Variants in HHIPL1 observed in about 807,000 individuals in gnomAD.
The protein encoded by HHIPL1 is HHIP-like protein 1.
Under a neutral mutation model 61.8 loss-of-function variants are expected in HHIPL1, and 43 were observed. That is an observed-to-expected ratio of 0.70 (90% confidence interval 0.55 to 0.90). The LOEUF is 0.90. HHIPL1 is among the 40% of genes least tolerant of loss of function. The pLI is 0.00. For synonymous variants in HHIPL1, 482 were observed against 515.8 expected, an observed-to-expected ratio of 0.93 and a Z score of 0.89; for missense variants, 1,056 against 1,157.7, an observed-to-expected ratio of 0.91 and a Z score of 1.28.
In HHIPL1 at chr14:99,657,058, G is replaced by A. The variant is rs375024067; in HGVS notation, c.961G>A (p.Gly321Arg). ...CCACAACGGGGGCCAGCTGCTTTTC[G>A]GGGATGACGGGTACCTCTACATCTT... is the stretch of plus-strand genomic sequence containing the variant. The part of the protein sequence containing the change: ...SNHNGGQLLF[G>R]DDGYLYIFTG... The change falls in exon 3 of 9, where the codon GGG (glycine) becomes AGG (arginine). Residue 321 changes from glycine to arginine, a missense_variant. By Grantham distance (125) the Gly-to-Arg change is moderately radical. Coordinates refer to ENST00000330710, the MANE Select transcript of HHIPL1 (RefSeq NM_001127258.3). The A allele has an allele frequency of 1.1e-5, 18 of 1,613,604 alleles. No homozygotes were observed. Among genetic ancestry groups the A allele is most frequent in the Admixed American group, 1.0e-4 (6 of 59,960 alleles).
chr14:99,609,466 C>A, the HHIPL1 span, among the ~76,000 whole-genome samples: 3 of 152,218 alleles, frequency 2.0e-5, no homozygotes, highest in Non-Finnish European at 4.4e-5. Flanking sequence ...CCATGCTTGC[C>A]CCTGGCAGAC....
chr14:99,637,501 G>A, the HHIPL1 span, among the ~76,000 whole-genome samples: 1 of 152,128 alleles, frequency 6.6e-6, no homozygotes. Context: ...GAACCCAGGA[G>A]GCGGAGGTTG....
rs116629554 is a variant in HHIPL1, at chr14:99,668,787, T to G, written c.1730+484T>G. The G allele has an allele frequency of 2.6e-4, 420 of 1,605,890 alleles. No individual in the cohort carries two copies. The highest frequency in any genetic ancestry group is 3.5e-4 in the Non-Finnish European group (408 of 1,177,756). ...TCCATCTTCCACTGGGGAAAACACA[T>G]TGGGGCTCCCTTCGCCGGCTCCATC... On this transcript the variant is annotated intron_variant, in intron 7 of 8. Coordinates refer to ENST00000330710, the MANE Select transcript of HHIPL1 (RefSeq NM_001127258.3). The surrounding 1 kb of genome is among the most constrained non-coding windows in gnomAD (Gnocchi z 4.7).
chr14:99,647,608 G>A (rs1410313863), intron 1 of HHIPL1, among the ~76,000 whole-genome samples: 1 of 152,220 alleles, frequency 6.6e-6, no homozygotes, highest in Non-Finnish European at 1.5e-5. Flanking sequence ...CATGTCTGGA[G>A]TGAGCTTAGA....
rs1269641163 is a variant in HHIPL1 at position 99,674,930 on chromosome 14, C to A, written c.1814-161C>A. Among the ~76,000 whole-genome samples the A allele has an allele frequency of 2.0e-5, 3 of 152,174 alleles. No homozygotes were observed. The East Asian group carries it at 5.8e-4, about 29-fold the overall frequency. On this transcript the variant is annotated intron_variant, in intron 8 of 8. Coordinates refer to ENST00000330710, the MANE Select transcript of HHIPL1 (RefSeq NM_001127258.3). ...GACCTGGGAAGCACGACTGGGAGCG[C>A]AGGCGGCATCCCGTCTTCTGGGTGT...
intron 4 of HHIPL1, among the ~76,000 whole-genome samples, 175 bp downstream of exon 4, chr14:99,659,931 C>T (rs1279121741): frequency 6.7e-6 from 1 of 149,600 alleles, no homozygotes; most frequent in Non-Finnish European, 1.5e-5. Context: ...ACTCGGGGAC[C>T]ACCCGCACCC....
intron 1 of HHIPL1, among the ~76,000 whole-genome samples, chr14:99,648,970 G>A (rs763976676): frequency 3.3e-5 from 5 of 152,188 alleles, no homozygotes; most frequent in Admixed American, 6.5e-5. Flanking sequence ...TGGCCCGGGC[G>A]GCTGAAGCCT....
chr14:99,675,966 A>G lies in HHIPL1; in HGVS notation c.*340A>G, dbSNP rs1024524618. ...GGGCAGCCAGGCTTCGAGGACGGAC[A>G]TGGCCCCTGGCTGTGCTAACAGAGG... On this transcript the variant is annotated 3_prime_UTR_variant, in exon 9 of 9. Transcript: ENST00000330710. The surrounding 1 kb of genome is among the most constrained non-coding windows in gnomAD (Gnocchi z 5.4). The G allele has an allele frequency of 3.4e-6, 1 of 290,288 alleles. No individual in the cohort carries two copies. The highest frequency in any genetic ancestry group is 2.2e-5 in the African/African-American group (1 of 45,660). The allele number at this position is 290,288 out of a possible 1,614,324, so 18.0% of individuals were successfully genotyped here.
chr14:99,669,104 T>A (rs2056297030), intron 7 of HHIPL1: 1 of 1,417,010 alleles, frequency 7.1e-7, no homozygotes, highest in African/African-American at 1.4e-5. Context: ...TCAGCTCTCA[T>A]CACTCAGACT....
At position 99,652,890 on chromosome 14, in the gene HHIPL1, C is replaced by T. The variant is rs111763802; in HGVS notation, c.902+20C>T. The T allele has an allele frequency of 5.8e-4, 925 of 1,605,106 alleles. 4 individuals carry two copies. The African/African-American group carries it at 0.01, about 18-fold the overall frequency. On this transcript the variant is annotated intron_variant, in intron 2 of 8. Transcript: ENST00000330710. ...TGAGAGGTGGCTTCCTTGGGGAACC[C>T]GGGCCTGGGTGGGGGCAGGCACCCA...
chr14:99,657,074 T>C lies in HHIPL1; in HGVS notation c.977T>C (p.Leu326Pro). The C allele has an allele frequency of 6.2e-7, 1 of 1,613,774 alleles. No individual in the cohort carries two copies. Among genetic ancestry groups the C allele is most frequent in the Non-Finnish European group, 8.5e-7 (1 of 1,179,870 alleles). Residue 326 changes from leucine to proline, a missense_variant, in exon 3 of 9, where the codon CTC becomes CCC. By Grantham distance (98) the Leu-to-Pro change is moderately conservative. Coordinates refer to ENST00000330710, the MANE Select transcript of HHIPL1 (RefSeq NM_001127258.3). ...CTGCTTTTCGGGGATGACGGGTACC[T>C]CTACATCTTCACTGGAGATGGCGGG... ...GQLLFGDDGYLYIFTGDGGMA... is the reference protein window; with the variant it reads ...GQLLFGDDGYPYIFTGDGGMA...
At chr14:99,654,493 T>C (rs1477510415) in intron 2 of HHIPL1, among the ~76,000 whole-genome samples, 3 of 152,154 alleles carry the variant, frequency 2.0e-5, no homozygotes, top group African/African-American at 7.2e-5. Context: ...GTCCACTGGC[T>C]GAACCTCGCT....
the HHIPL1 span, among the ~76,000 whole-genome samples, chr14:99,605,616 G>C: frequency 6.6e-6 from 1 of 152,258 alleles, no homozygotes; most frequent in Non-Finnish European, 1.5e-5. Context: ...TTGGCGTCCT[G>C]GGAGCAGGAT....
At chr14:99,656,782 AAAAG>A (rs1409813295) in intron 2 of HHIPL1, among the ~76,000 whole-genome samples, 10 of 460 alleles carry the variant, frequency 0.022, 2 homozygotes, top group Non-Finnish European at 0.11. Context: ...CTGCAAAAAG[AAAAG>A]AAAAGAAAGA....
intron 7 of HHIPL1, 94 bp from the exon 8 acceptor site, chr14:99,672,223 C>A: frequency 1.1e-6 from 1 of 902,728 alleles, no homozygotes; most frequent in Non-Finnish European, 1.8e-6. Context: ...CTGTTACTAT[C>A]GTTGCTGTTC....
the HHIPL1 span, among the ~76,000 whole-genome samples, chr14:99,612,526 A>G: frequency 1.3e-5 from 2 of 152,200 alleles, no homozygotes; most frequent in African/African-American, 4.8e-5. Flanking sequence ...CAGGTACACA[A>G]ATACAATGTA....
chr14:99,630,729 G>A, the HHIPL1 span, among the ~76,000 whole-genome samples: 2 of 152,198 alleles, frequency 1.3e-5, no homozygotes, highest in South Asian at 2.1e-4. Context: ...GGGCTGCTAC[G>A]CCTGCAGACT....
At chr14:99,629,162 C>T in the HHIPL1 span, among the ~76,000 whole-genome samples, 2 of 152,254 alleles carry the variant, frequency 1.3e-5, no homozygotes, top group African/African-American at 4.8e-5. Flanking sequence ...GAAACACCAT[C>T]TCCTGGCAGC....
At chr14:99,612,155 C>G in the HHIPL1 span, among the ~76,000 whole-genome samples, 3 of 152,312 alleles carry the variant, frequency 2.0e-5, no homozygotes, top group South Asian at 2.1e-4. Flanking sequence ...GGAAACTTAC[C>G]AATCACGGTG....
Sources: allele counts gnomAD v4.1 joint callset (sites outside exome capture counted in the v4.1 genomes callset), GRCh38; gene constraint gnomAD v4.1.1; non-coding constraint Gnocchi (gnomAD v3.1); transcripts MANE v1.5; gene names NCBI Gene and HGNC (gene_info 2026-07-23, HGNC 2026-07-21).